Variants in TSHZ1 observed in about 807,000 individuals in gnomAD.
TSHZ1 encodes the protein teashirt zinc finger homeobox 1, also known as teashirt homolog 1.
In TSHZ1, 12 loss-of-function variants were observed where a neutral mutation model predicts 67.1. The observed-to-expected ratio is 0.18, with a 90% CI of 0.11 to 0.29. TSHZ1 has a LOEUF of 0.29. TSHZ1 is among the 10% of genes least tolerant of loss of function. The pLI, the probability that TSHZ1 is intolerant of heterozygous loss-of-function variation, is 1.00. For synonymous variants in TSHZ1, 632 were observed against 622.4 expected, an observed-to-expected ratio of 1.02 and a Z score of -0.23; for missense variants, 1,305 against 1,413.9, an observed-to-expected ratio of 0.92 and a Z score of 1.23.
At chr18:75,231,810 T>C (rs924533149) in intron 1 of TSHZ1, among the ~76,000 whole-genome samples, 11 of 151,766 alleles carry the variant, frequency 7.2e-5, no homozygotes, top group Admixed American at 3.3e-4. Context: ...CTGGGATTGA[T>C]GATAGGTGTG....
chr18:75,242,418 CA>C (rs992403543), intron 1 of TSHZ1, among the ~76,000 whole-genome samples: 4 of 152,256 alleles, frequency 2.6e-5, no homozygotes, highest in African/African-American at 9.6e-5. Flanking sequence ...GAGGGTGGCA[CA>C]AAAGAAAGGT....
intron 1 of TSHZ1, among the ~76,000 whole-genome samples, chr18:75,248,647 G>T (rs988509381): frequency 6.6e-6 from 1 of 152,168 alleles, no homozygotes; most frequent in Non-Finnish European, 1.5e-5. Context: ...ATTTCTAAAA[G>T]AAATTTTTCC....
chr18:75,234,444 T>G (rs1909276761), intron 1 of TSHZ1, among the ~76,000 whole-genome samples: 1 of 152,186 alleles, frequency 6.6e-6, no homozygotes, highest in South Asian at 2.1e-4. Flanking sequence ...GTTATAATAT[T>G]TTGCAGCATT....
rs35028697 is a variant in TSHZ1, at chr18:75,286,611, G to T, written c.1204G>T (p.Ala402Ser). 1.2e-6 allele frequency: 2 copies of T among 1,614,222 alleles called. No homozygotes were observed. Among genetic ancestry groups the T allele is most frequent in the Non-Finnish European group, 8.5e-7 (1 of 1,180,048 alleles). ...PNNRYGYQNGASYTWQFEARK... is the reference protein window; with the variant it reads ...PNNRYGYQNGSSYTWQFEARK... ...TAACCGCTATGGCTACCAGAATGGCGCCAGCTACACCTGGCAGTTTGAGGC... is the reference window on the plus strand; with the variant it reads ...TAACCGCTATGGCTACCAGAATGGCTCCAGCTACACCTGGCAGTTTGAGGC... Residue 402 changes from alanine to serine, a missense_variant, in exon 2 of 2, where the codon GCC becomes TCC. Physicochemically the swap from Ala to Ser is moderately conservative, Grantham distance 99. Transcript: ENST00000580243. This position sits in a 1 kb window ranked among gnomAD's most constrained non-coding sequence, Gnocchi z 5.1.
chr18:75,286,849 C>A lies in TSHZ1; in HGVS notation c.1442C>A (p.Ser481Tyr). The change falls in exon 2 of 2, where the codon TCC (serine) becomes TAC (tyrosine). Residue 481 changes from serine (S) to tyrosine (Y), a missense_variant. Physicochemically the swap from Ser to Tyr is moderately radical, Grantham distance 144. Around this residue, in one of 3 missense-constraint regions of TSHZ1, gnomAD observed 909 missense variants for 961.8 expected, o/e 0.95. Coordinates refer to ENST00000580243, the MANE Select transcript of TSHZ1 (RefSeq NM_001308210.2). This position sits in a 1 kb window ranked among gnomAD's most constrained non-coding sequence, Gnocchi z 5.1. Reference protein sequence around the residue: ...PPTTHTRLPASSIKKQPDSPA... With the variant: ...PPTTHTRLPAYSIKKQPDSPA... ...ACCACCCACACGCGGCTGCCGGCCT[C>A]CAGCATCAAAAAGCAGCCCGACTCT... The A allele has an allele frequency of 6.2e-7, 1 of 1,614,086 alleles. No homozygotes were observed.
In TSHZ1 at chr18:75,289,259, C is replaced by T. The variant is rs2023829754; in HGVS notation, c.*618C>T. 6.0e-6 allele frequency: 1 copy of T among 166,754 alleles called. No homozygotes were observed. Among genetic ancestry groups the T allele is most frequent in the East Asian group, 1.9e-4 (1 of 5,204 alleles). 10.3% of individuals were successfully genotyped at this position (166,754 alleles called of 1,614,324 possible). Reference sequence around the variant, plus strand: ...GACTCACGGGGTTCGGAAGCCACACCTCTACATGTCTAAAACAAAAAACAA... The same window carrying T: ...GACTCACGGGGTTCGGAAGCCACACTTCTACATGTCTAAAACAAAAAACAA... On this transcript the variant is annotated 3_prime_UTR_variant, in exon 2 of 2. Transcript: ENST00000580243.
At chr18:75,224,627 C>T (rs1318986618) in intron 1 of TSHZ1, among the ~76,000 whole-genome samples, 1 of 152,124 alleles carries the variant, frequency 6.6e-6, no homozygotes, top group African/African-American at 2.4e-5. Flanking sequence ...TCTAAGAAAC[C>T]ACTGGCTTTA....
At chr18:75,224,989 T>G (rs180681791) in intron 1 of TSHZ1, among the ~76,000 whole-genome samples, 1 of 152,318 alleles carries the variant, frequency 6.6e-6, no homozygotes, top group African/African-American at 2.4e-5. Flanking sequence ...GCTGTCCTTT[T>G]TTTTTTTCTT....
intron 1 of TSHZ1, among the ~76,000 whole-genome samples, chr18:75,218,951 G>T (rs2022809559): frequency 6.6e-6 from 1 of 152,014 alleles, no homozygotes; most frequent in Non-Finnish European, 1.5e-5. Context: ...ATTTTTTTGA[G>T]TCAAGAATAC....
chr18:75,273,647 CATT>C (rs1387885442), intron 1 of TSHZ1, among the ~76,000 whole-genome samples: 1 of 152,196 alleles, frequency 6.6e-6, no homozygotes, highest in African/African-American at 2.4e-5. Context: ...TCAGCTCACA[CATT>C]GTTGGTGTCA....
intron 1 of TSHZ1, among the ~76,000 whole-genome samples, chr18:75,226,349 CTT>C (rs2022925415): frequency 6.6e-6 from 1 of 152,126 alleles, no homozygotes; most frequent in African/African-American, 2.4e-5. Context: ...CCCATGAAAT[CTT>C]TGATTCCTTC....
intron 1 of TSHZ1, among the ~76,000 whole-genome samples, chr18:75,274,545 T>G (rs1400663987): frequency 2.0e-5 from 3 of 152,204 alleles, no homozygotes; most frequent in Non-Finnish European, 4.4e-5. Flanking sequence ...TCATAATATA[T>G]TCCAGTACAT....
chr18:75,229,083 C>G lies in TSHZ1; in HGVS notation c.40+17167C>G, dbSNP rs143939790. ...CTCAAAGTGAGTGAGGGGTTGGCCA[C>G]AGTCAGCCCTGGGCGGGGCAGGTGT... On this transcript the variant is annotated intron_variant, in intron 1 of 1. Transcript: ENST00000580243. Among the ~76,000 whole-genome samples, 617 of 152,366 alleles carry G rather than the reference C, an allele frequency of 4.0e-3. 3 individuals carry two copies. Among genetic ancestry groups the G allele is most frequent in the African/African-American group, 0.014 (593 of 41,588 alleles).
At chr18:75,261,228 A>G (rs1181901045) in intron 1 of TSHZ1, among the ~76,000 whole-genome samples, 1 of 152,196 alleles carries the variant, frequency 6.6e-6, no homozygotes, top group Non-Finnish European at 1.5e-5. Flanking sequence ...ACAGTAGGTA[A>G]GAGAACTGTA....
At chr18:75,230,472 G>T (rs1388834566) in intron 1 of TSHZ1, among the ~76,000 whole-genome samples, 2 of 152,126 alleles carry the variant, frequency 1.3e-5, no homozygotes, top group Non-Finnish European at 2.9e-5. Flanking sequence ...AATTTATCAC[G>T]GCACATTATG....
Position 75,288,159 on chromosome 18 carries a change from A to G in TSHZ1, c.2752A>G (p.Met918Val), listed in dbSNP as rs35439522. The G allele has an allele frequency of 1.2e-6, 2 of 1,614,132 alleles. No homozygotes were observed. Among genetic ancestry groups the G allele is most frequent in the East Asian group, 2.2e-5 (1 of 44,872 alleles). Residue 918 changes from methionine to valine, a missense_variant, in exon 2 of 2, where the codon ATG becomes GTG. Physicochemically the swap from Met to Val is conservative, Grantham distance 21. Transcript: ENST00000580243. The surrounding 1 kb of genome is among the most constrained non-coding windows in gnomAD (Gnocchi z 4.9). The part of the protein sequence containing the change: ...LRETTEGKYI[M>V]SDLGPQERVH... ...GGAGACCACAGAGGGCAAGTACATC[A>G]TGTCGGACTTGGGCCCGCAGGAGAG...
chr18:75,253,777 G>A (rs761432635), intron 1 of TSHZ1, among the ~76,000 whole-genome samples: 12 of 152,240 alleles, frequency 7.9e-5, no homozygotes, highest in Non-Finnish European at 1.5e-4. Context: ...TTTTTAAAAG[G>A]TGTGTTAATA....
chr18:75,267,095 TG>T (rs1193107035), intron 1 of TSHZ1, among the ~76,000 whole-genome samples: 1 of 152,240 alleles, frequency 6.6e-6, no homozygotes, highest in African/African-American at 2.4e-5. Context: ...TTGATTTCAA[TG>T]GACACAAATT....
Position 75,287,660 on chromosome 18 carries a change from C to T in TSHZ1, c.2253C>T (p.Ser751=), listed in dbSNP as rs760818403. The part of the protein sequence containing the change: ...SFINPLSALQ[S]IMNTHLGKVS... ...TCAACCCGCTGAGCGCTTTGCAGTC[C>T]ATCATGAACACCCACCTGGGCAAGG... Residue 751 remains serine, a synonymous_variant, in exon 2 of 2, where the codon TCC becomes TCT. Coordinates refer to ENST00000580243, the MANE Select transcript of TSHZ1 (RefSeq NM_001308210.2). This position sits in a 1 kb window ranked among gnomAD's most constrained non-coding sequence, Gnocchi z 5.0. The T allele has an allele frequency of 6.2e-7, 1 of 1,614,182 alleles. No individual in the cohort carries two copies. Among genetic ancestry groups the T allele is most frequent in the East Asian group, 2.2e-5 (1 of 44,864 alleles).
Sources: gnomAD v4.1 joint callset for allele counts (sites outside exome capture counted in the v4.1 genomes callset) on GRCh38, gnomAD v4.1.1 for gene constraint, gnomAD v4.1.1 regional missense constraint, Gnocchi (gnomAD v3.1) non-coding constraint, MANE v1.5 for transcripts, NCBI Gene and HGNC (gene_info 2026-07-23, HGNC 2026-07-21) for gene names.